USP1: variants seen among roughly 807,000 people sequenced by gnomAD.
USP1 encodes the protein ubiquitin carboxyl-terminal hydrolase 1.
USP1 carries 18 observed loss-of-function variants against 72.2 expected under a neutral mutation model. That is an observed-to-expected ratio of 0.25 (90% CI 0.17 to 0.37). The LOEUF (loss-of-function observed/expected upper bound fraction) is 0.37. Ranked by LOEUF, USP1 falls within the 10% of genes least tolerant of loss-of-function variation. The probability of loss-of-function intolerance (pLI) is 1.00; values close to 1 mark genes in which losing one functional copy is unlikely to be tolerated. For synonymous variants in USP1, 354 were observed against 303.7 expected (o/e 1.17, Z -1.72); for missense variants, 759 against 884.9 (o/e 0.86, Z 1.81).
intron 2 of USP1, 74 bp downstream of exon 2, chr1:62,440,111 C>A: frequency 7.7e-7 from 1 of 1,304,528 alleles, no homozygotes; most frequent in Non-Finnish European, 1.0e-6. Flanking sequence ...CAACTCCAGT[C>A]TGACTTGATA....
intron 7 of USP1, 137 bp from the exon 8 acceptor site, chr1:62,448,328 G>C: frequency 1.2e-6 from 1 of 842,194 alleles, no homozygotes; most frequent in Non-Finnish European, 1.8e-6. Flanking sequence ...AGTAGTTTCT[G>C]AAAGTAAAAA....
intron 2 of USP1, 99 bp downstream of exon 2, chr1:62,440,136 A>T: frequency 9.1e-7 from 1 of 1,095,226 alleles, no homozygotes; most frequent in Admixed American, 3.2e-5. Flanking sequence ...GTAGCGGCAC[A>T]AAAAAGTACG....
intron 2 of USP1, 100 bp from the exon 3 acceptor site, chr1:62,441,388 A>G: frequency 7.5e-7 from 1 of 1,332,512 alleles, no homozygotes. Context: ...TACTTTTCAG[A>G]TTATACAACT....
chr1:62,439,645 C>A (rs1288100738), intron 1 of USP1, among the ~76,000 whole-genome samples, 154 bp from the exon 2 acceptor site: 2 of 152,148 alleles, frequency 1.3e-5, no homozygotes, highest in Admixed American at 6.5e-5. Flanking sequence ...TTCATTTAAG[C>A]AATAAATATT....
intron 6 of USP1, 117 bp from the exon 7 acceptor site, chr1:62,447,224 A>T: frequency 1.0e-6 from 1 of 1,004,514 alleles, no homozygotes; most frequent in Non-Finnish European, 1.4e-6. Context: ...TAATAAGCTG[A>T]TCTATGAAAA....
At chr1:62,446,824 T>G (rs905157176) in intron 6 of USP1, among the ~76,000 whole-genome samples, 1 of 152,108 alleles carries the variant, frequency 6.6e-6, no homozygotes, top group Non-Finnish European at 1.5e-5. Flanking sequence ...ATTTTTTTTA[T>G]TTTTTTGGAG....
chr1:62,445,075 C>G lies in USP1; in HGVS notation c.895C>G (p.Gln299Glu), dbSNP rs1473672535. Residue 299 changes from glutamine (Q) to glutamate (E), a missense_variant, in exon 6 of 9, where the codon CAA becomes GAA. Around this residue, in one of 9 missense-constraint regions of USP1, gnomAD observed 245 missense variants for 240.7 expected, o/e 1.02. Coordinates refer to ENST00000339950, the MANE Select transcript of USP1 (RefSeq NM_003368.5). The stretch of plus-strand genomic sequence containing the variant: ...CCAGTCATTGGAAGAGAACCAGAGA[C>G]AAACTAGATCAAAAAGAAAAGCTAC... The part of the protein sequence containing the change: ...EHQSLEENQR[Q>E]TRSKRKATSD... The G allele has an allele frequency of 1.2e-6, 2 of 1,611,508 alleles. No homozygotes were observed. The highest frequency in any genetic ancestry group is 2.2e-5 in the South Asian group (2 of 90,306).
intron 6 of USP1, among the ~76,000 whole-genome samples, chr1:62,445,843 G>A (rs1244216953): frequency 3.3e-5 from 5 of 152,106 alleles, no homozygotes; most frequent in Admixed American, 3.3e-4. Flanking sequence ...GCCAGGCATG[G>A]TGGCGCACGC....
chr1:62,443,097 A>G, intron 4 of USP1, 62 bp from the exon 5 acceptor site: 1 of 1,533,248 alleles, frequency 6.5e-7, no homozygotes, highest in Non-Finnish European at 8.8e-7. Context: ...AGACAAAGAC[A>G]AAGGGGGAAG....
chr1:62,450,739 A>G lies in USP1; in HGVS notation c.2116A>G (p.Thr706Ala), dbSNP rs770925069. The change falls in exon 9 of 9, where the codon ACT (threonine) becomes GCT (alanine). Residue 706 changes from threonine (T) to alanine (A), a missense_variant. By Grantham distance (58) the Thr-to-Ala change is moderately conservative (BLOSUM62 0). Coordinates refer to ENST00000339950, the MANE Select transcript of USP1 (RefSeq NM_003368.5). ...AAATAGAAATTCTGAGACTAGTGATACTACTGGGACCCATGAATCTGATAG... is the reference window on the plus strand; with the variant it reads ...AAATAGAAATTCTGAGACTAGTGATGCTACTGGGACCCATGAATCTGATAG... ...AENRNSETSD[T>A]TGTHESDRNK... is the part of the protein sequence containing the mutation. The G allele has an allele frequency of 4.8e-5, 77 of 1,613,672 alleles. No individual in the cohort carries two copies. Among genetic ancestry groups the G allele is most frequent in the Non-Finnish European group, 6.2e-5 (73 of 1,179,944 alleles).
chr1:62,446,396 T>G (rs375936754), intron 6 of USP1, among the ~76,000 whole-genome samples: 2 of 152,346 alleles, frequency 1.3e-5, no homozygotes, highest in African/African-American at 4.8e-5. Context: ...GTTTATGAAT[T>G]TGTTACGGGC....
At position 62,441,472 on chromosome 1, in the gene USP1, C is replaced by T. The variant is rs765954310; in HGVS notation, c.171-16C>T. The T allele has an allele frequency of 1.3e-6, 2 of 1,587,076 alleles. No homozygotes were observed. The highest frequency in any genetic ancestry group is 1.4e-5 in the African/African-American group (1 of 73,336). On this transcript the variant is annotated splice_polypyrimidine_tract_variant and intron_variant, in intron 2 of 8. Coordinates refer to ENST00000339950, the MANE Select transcript of USP1 (RefSeq NM_003368.5). ...TTAAGATAACTACTTATCGTTCTCC[C>T]TTCTATATTTCATAGTGATCAAGTT... is the stretch of plus-strand genomic sequence containing the variant.
Position 62,442,980 on chromosome 1 carries a change from C to T in USP1, c.397-179C>T, listed in dbSNP as rs546511475. Among the ~76,000 whole-genome samples the T allele has an allele frequency of 7.9e-5, 12 of 151,812 alleles. No individual in the cohort carries two copies. In the South Asian group the frequency reaches 8.3e-4, roughly 11 times the overall value. The stretch of plus-strand genomic sequence containing the variant: ...TCAAGCCACTGCACTCCAGCCTGGG[C>T]GACAGAGACCCTGTCTCAAAATAAA... On this transcript the variant is annotated intron_variant, in intron 4 of 8. Transcript: ENST00000339950.
intron 8 of USP1, among the ~76,000 whole-genome samples, chr1:62,449,073 A>G (rs188356895): frequency 1.6e-3 from 247 of 152,188 alleles, no homozygotes; most frequent in African/African-American, 5.7e-3. Context: ...TAGTAGAGAC[A>G]GGATTTCACC....
intron 8 of USP1, among the ~76,000 whole-genome samples, chr1:62,450,014 AAT>A (rs1645202766): frequency 6.6e-6 from 1 of 152,120 alleles, no homozygotes; most frequent in Non-Finnish European, 1.5e-5. Flanking sequence ...GAAAAAATAC[AAT>A]TATTTCTTCC....
chr1:62,437,690 G>T (rs1645100568), intron 1 of USP1, among the ~76,000 whole-genome samples: 2 of 152,252 alleles, frequency 1.3e-5, no homozygotes, highest in Non-Finnish European at 2.9e-5. Flanking sequence ...GGGCAGCCTG[G>T]TCGCTGCTCG....
intron 3 of USP1, 101 bp downstream of exon 3, chr1:62,441,709 T>G: frequency 7.5e-7 from 1 of 1,332,172 alleles, no homozygotes; most frequent in Non-Finnish European, 1.0e-6. Context: ...GTCCATACTG[T>G]CTTTGCCTTT....
chr1:62,446,956 A>G (rs942941997), intron 6 of USP1, among the ~76,000 whole-genome samples: 4 of 152,090 alleles, frequency 2.6e-5, no homozygotes, highest in African/African-American at 7.2e-5. Flanking sequence ...CTGTGATTAC[A>G]GGCATGCACC....
chr1:62,448,360 G>C, intron 7 of USP1, 105 bp from the exon 8 acceptor site: 3 of 1,066,010 alleles, frequency 2.8e-6, no homozygotes, highest in Non-Finnish European at 4.1e-6. Flanking sequence ...ATTTAGGAAT[G>C]GGTCGGTCAA....
Sources: allele counts gnomAD v4.1 joint callset (sites outside exome capture counted in the v4.1 genomes callset), GRCh38; gene constraint gnomAD v4.1.1; regional missense constraint gnomAD v4.1.1; transcripts MANE v1.5; gene names NCBI Gene and HGNC (gene_info 2026-07-23, HGNC 2026-07-21).